PDZD2: variants seen among roughly 807,000 people sequenced by gnomAD.
PDZD2 encodes the protein PDZ domain-containing protein 2.
PDZD2 carries 90 observed loss-of-function variants against 220.7 expected under a neutral mutation model. The ratio of observed to expected loss-of-function variants is 0.41; its 90% CI spans 0.34 to 0.49. PDZD2 has a LOEUF of 0.49. Ranked by LOEUF, PDZD2 falls within the 20% of genes least tolerant of loss-of-function variation. The pLI, the probability that PDZD2 is intolerant of heterozygous loss-of-function variation, is 0.28. For missense variants in PDZD2, 3,174 were observed against 3,608.5 expected, an observed-to-expected ratio of 0.88 and a Z score of 3.08; for synonymous variants, 1,375 against 1,450.5, an observed-to-expected ratio of 0.95 and a Z score of 1.18.
At chr5:31,836,702 G>C (rs1049326740) in intron 2 of PDZD2, among the ~76,000 whole-genome samples, 1 of 152,108 alleles carries the variant, frequency 6.6e-6, no homozygotes, top group Non-Finnish European at 1.5e-5. Flanking sequence ...AAAAGGGTAC[G>C]TCATCTGTCC....
At chr5:31,772,840 A>G (rs193090603) in intron 1 of PDZD2, among the ~76,000 whole-genome samples, 3 of 152,356 alleles carry the variant, frequency 2.0e-5, no homozygotes, top group Non-Finnish European at 4.4e-5. Flanking sequence ...CAGACCAACC[A>G]GAAGTTTCTG....
Position 32,098,668 on chromosome 5 carries a change from G to A in PDZD2, c.8218+34G>A. 1 of 1,581,570 alleles carries A rather than the reference G, an allele frequency of 6.3e-7. No homozygotes were observed. On this transcript the variant is annotated intron_variant, in intron 23 of 24. Coordinates refer to ENST00000438447, the MANE Select transcript of PDZD2 (RefSeq NM_178140.4). The surrounding 1 kb of genome is among the most constrained non-coding windows in gnomAD (Gnocchi z 4.1). ...ATCATTTCAACAACCAGCAGGCTGT[G>A]AGCTACTGCAGAAAGAGGAGATTCT...
chr5:31,665,741 C>T (rs1055884894), intron 1 of PDZD2, among the ~76,000 whole-genome samples: 2 of 151,414 alleles, frequency 1.3e-5, no homozygotes, highest in African/African-American at 2.4e-5. Flanking sequence ...CCCAGCCACG[C>T]GGAACTGTGA....
At chr5:31,835,544 G>A (rs574797926) in intron 2 of PDZD2, among the ~76,000 whole-genome samples, 10 of 151,336 alleles carry the variant, frequency 6.6e-5, no homozygotes, top group Non-Finnish European at 1.5e-4. Flanking sequence ...TTGAACCTGG[G>A]AAGCAGAGAT....
At chr5:32,018,291 T>A (rs1319038783) in intron 6 of PDZD2, among the ~76,000 whole-genome samples, 2 of 152,018 alleles carry the variant, frequency 1.3e-5, no homozygotes, top group Admixed American at 6.6e-5. Flanking sequence ...TTATAAAAAG[T>A]GAAAGTGGCA....
rs889171670 is a variant in PDZD2 at position 32,090,696 on chromosome 5, G to T, written c.7248G>T (p.Lys2416Asn). 4.3e-6 allele frequency: 7 copies of T among 1,614,136 alleles called. No individual in the cohort carries two copies. Among genetic ancestry groups the T allele is most frequent in the Non-Finnish European group, 5.9e-6 (7 of 1,180,036 alleles). The change falls in exon 20 of 25, where the codon AAG becomes AAT. Residue 2416 changes from lysine to asparagine, a missense_variant. Transcript: ENST00000438447. The surrounding 1 kb of genome is among the most constrained non-coding windows in gnomAD (Gnocchi z 4.3). ...EAGTLLPQMA[K>N]SPSIMTLTIS... ...GCACCCTCCTGCCCCAGATGGCCAA[G>T]TCTCCCTCAATCATGACACTGACCA...
chr5:31,897,077 G>GT (rs796616414), intron 2 of PDZD2, among the ~76,000 whole-genome samples: 2,648 of 147,094 alleles, frequency 0.018, 66 homozygotes, highest in African/African-American at 0.06. Context: ...GATCTGGTGA[G>GT]TTTTTTTTTT....
intron 24 of PDZD2, among the ~76,000 whole-genome samples, chr5:32,105,142 A>T (rs990734491): frequency 6.6e-6 from 1 of 151,944 alleles, no homozygotes; most frequent in Non-Finnish European, 1.5e-5. Flanking sequence ...TCAAAAAAAA[A>T]CAATCAATCA....
At chr5:31,714,208 G>T (rs1748300463) in intron 1 of PDZD2, among the ~76,000 whole-genome samples, 2 of 152,206 alleles carry the variant, frequency 1.3e-5, no homozygotes, top group Non-Finnish European at 2.9e-5. Flanking sequence ...AGTTTGCCTG[G>T]ATTGGACATA....
intron 1 of PDZD2, among the ~76,000 whole-genome samples, chr5:31,733,475 C>G (rs192465461): frequency 3.3e-4 from 50 of 152,296 alleles, no homozygotes; most frequent in Admixed American, 3.1e-3. Context: ...GACCCACACT[C>G]TGGTCCCAGG....
At position 32,089,998 on chromosome 5, in the gene PDZD2, T is replaced by C; in HGVS notation, c.6550T>C (p.Ser2184Pro). 6.2e-7 allele frequency: 1 copy of C among 1,604,182 alleles called. No homozygotes were observed. The highest frequency in any genetic ancestry group is 2.2e-5 in the East Asian group (1 of 44,772). Residue 2184 changes from serine to proline, a missense_variant, in exon 20 of 25, where the codon TCC becomes CCC. Physicochemically the swap from Ser to Pro is moderately conservative, Grantham distance 74. This residue lies in a region of PDZD2 where 1,861 missense variants were observed against 2,001.0 expected (regional missense o/e 0.93). Coordinates refer to ENST00000438447, the MANE Select transcript of PDZD2 (RefSeq NM_178140.4). ...AACAGCCATTAGAAAGGCAGAATAC[T>C]CCCAGGGAAAATCAAGCCTGATGTC... ...LQTAIRKAEY[S>P]QGKSSLMSDS... is the part of the protein sequence containing the mutation.
chr5:31,789,777 G>A (rs111428705), intron 1 of PDZD2, among the ~76,000 whole-genome samples: 2,129 of 152,242 alleles, frequency 0.014, 46 homozygotes, highest in African/African-American at 0.048. Flanking sequence ...AACTAGCCGG[G>A]TGTGGTGGCG....
At chr5:31,864,549 C>T (rs562152394) in intron 2 of PDZD2, among the ~76,000 whole-genome samples, 80 of 151,078 alleles carry the variant, frequency 5.3e-4, no homozygotes, top group Non-Finnish European at 9.6e-4. Flanking sequence ...GACGGAGTTT[C>T]GCTCTTGTCG....
rs1002728949 is a variant in PDZD2 at position 31,646,030 on chromosome 5, G to A, written c.-361+6593G>A. Among the ~76,000 whole-genome samples the A allele has an allele frequency of 2.1e-5, 2 of 94,552 alleles. No homozygotes were observed. The highest frequency in any genetic ancestry group is 1.2e-4 in the Admixed American group (1 of 8,582). 62.0% of individuals were successfully genotyped at this position (94,552 alleles called of 152,430 possible). On this transcript the variant is annotated intron_variant, in intron 1 of 24. Transcript: ENST00000438447. The surrounding 1 kb of genome is among the most constrained non-coding windows in gnomAD (Gnocchi z 4.7). Reference sequence around the variant, plus strand: ...GCTGGTGGGAGGAGAGAGGGTGTCAGGGAGCTTTGCACTGCGGGGGGGCCT... The same window carrying A: ...GCTGGTGGGAGGAGAGAGGGTGTCAAGGAGCTTTGCACTGCGGGGGGGCCT...
intron 20 of PDZD2, among the ~76,000 whole-genome samples, chr5:32,091,390 T>C (rs1318084806): frequency 6.6e-6 from 1 of 151,084 alleles, no homozygotes; most frequent in Non-Finnish European, 1.5e-5. Flanking sequence ...GTTCAAGCGA[T>C]TCTCCTGCCT....
At chr5:31,878,662 G>A (rs1414419137) in intron 2 of PDZD2, among the ~76,000 whole-genome samples, 1 of 137,308 alleles carries the variant, frequency 7.3e-6, no homozygotes, top group Non-Finnish European at 1.5e-5. Context: ...CGGGGTTCAC[G>A]CCATTCTCCT....
At chr5:32,071,290 G>C in intron 15 of PDZD2, 94 bp from the exon 16 acceptor site, 1 of 905,686 alleles carries the variant, frequency 1.1e-6, no homozygotes, top group Non-Finnish European at 1.9e-6. Flanking sequence ...TTTGTTTACT[G>C]TGTTTGCCGC....
At chr5:32,059,079 G>A (rs914025680) in intron 12 of PDZD2, among the ~76,000 whole-genome samples, 160 bp from the exon 13 acceptor site, 1 of 152,248 alleles carries the variant, frequency 6.6e-6, no homozygotes, top group African/African-American at 2.4e-5. Context: ...GCAGTGGCAA[G>A]TGTTGACAAG....
chr5:31,926,931 G>A (rs1222955439), intron 2 of PDZD2, among the ~76,000 whole-genome samples: 6 of 152,158 alleles, frequency 3.9e-5, no homozygotes, highest in African/African-American at 1.4e-4. Context: ...ACATGGACGC[G>A]GCTGGAGGCC....
Sources: gnomAD v4.1 joint callset for allele counts (sites outside exome capture counted in the v4.1 genomes callset) on GRCh38, gnomAD v4.1.1 for gene constraint, gnomAD v4.1.1 regional missense constraint, Gnocchi (gnomAD v3.1) non-coding constraint, MANE v1.5 for transcripts, NCBI Gene and HGNC (gene_info 2026-07-23, HGNC 2026-07-21) for gene names.